The following KCNH1 variants were observed in gnomAD, a reference collection of about 807,000 sequenced individuals.
The protein encoded by KCNH1 is potassium voltage-gated channel subfamily H member 1.
In KCNH1, 27 loss-of-function variants were observed where a neutral mutation model predicts 69.2. The observed-to-expected ratio is 0.39, with a 90% CI of 0.29 to 0.54. KCNH1 has a LOEUF of 0.54. Among genes scored for constraint, KCNH1 ranks in the 20% least tolerant of loss-of-function variants. KCNH1 has a pLI of 0.68. For missense variants in KCNH1, 798 were observed against 1,261.6 expected, an observed-to-expected ratio of 0.63 and a Z score of 5.57; for synonymous variants, 456 against 487.7, an observed-to-expected ratio of 0.93 and a Z score of 0.86.
At chr1:211,106,430 G>A (rs1481794092) in intron 2 of KCNH1, among the ~76,000 whole-genome samples, 1 of 152,070 alleles carries the variant, frequency 6.6e-6, no homozygotes, top group Non-Finnish European at 1.5e-5. Flanking sequence ...AGAGAGAGAG[G>A]TAACAGCATG....
At chr1:210,882,023 T>C (rs1686504727) in intron 7 of KCNH1, among the ~76,000 whole-genome samples, 1 of 152,156 alleles carries the variant, frequency 6.6e-6, no homozygotes, top group Admixed American at 6.5e-5. Context: ...ATGTAAACTA[T>C]GGACTTTGAG....
Position 210,982,421 on chromosome 1 carries a change from C to G in KCNH1, c.1032+36362G>C, listed in dbSNP as rs561550004. Among the ~76,000 whole-genome samples the G allele has an allele frequency of 5.9e-5, 9 of 152,098 alleles. No homozygotes were observed. In the East Asian group the frequency reaches 1.7e-3, roughly 29 times the overall value. The stretch of plus-strand genomic sequence containing the variant: ...ATCTCCAATGCTATCCCTCCCCCTT[C>G]CCCCCACTCCACACCAGTCCCCGGT... On this transcript the variant is annotated intron_variant, in intron 6 of 10. Coordinates refer to ENST00000271751, the MANE Select transcript of KCNH1 (RefSeq NM_172362.3).
chr1:210,968,067 A>T (rs1477181078), intron 6 of KCNH1, among the ~76,000 whole-genome samples: 1 of 149,978 alleles, frequency 6.7e-6, no homozygotes, highest in Non-Finnish European at 1.5e-5. Flanking sequence ...CCTTCCTGTG[A>T]CCATGTGATC....
chr1:211,027,593 C>T (rs1689707763), intron 5 of KCNH1, among the ~76,000 whole-genome samples: 1 of 149,460 alleles, frequency 6.7e-6, no homozygotes, highest in Non-Finnish European at 1.5e-5. Context: ...GCAACCCTGT[C>T]TCAGGGAAAG....
At chr1:210,832,425 C>T (rs1156732933) in intron 7 of KCNH1, among the ~76,000 whole-genome samples, 1 of 152,150 alleles carries the variant, frequency 6.6e-6, no homozygotes, top group Non-Finnish European at 1.5e-5. Context: ...CTTTTCAGAT[C>T]TACTTTTTAA....
intron 6 of KCNH1, among the ~76,000 whole-genome samples, chr1:210,994,953 GA>G (rs1191494260): frequency 6.6e-6 from 1 of 152,190 alleles, no homozygotes; most frequent in Non-Finnish European, 1.5e-5. Flanking sequence ...TTCAAGAGTT[GA>G]GATGTATAAA....
chr1:210,990,619 C>CT (rs1688920391), intron 6 of KCNH1, among the ~76,000 whole-genome samples: 1 of 152,140 alleles, frequency 6.6e-6, no homozygotes, highest in African/African-American at 2.4e-5. Context: ...GAGGGGCTCT[C>CT]TAAGTTGAGA....
At chr1:211,036,061 C>G (rs968655119) in intron 5 of KCNH1, among the ~76,000 whole-genome samples, 1 of 152,190 alleles carries the variant, frequency 6.6e-6, no homozygotes, top group Non-Finnish European at 1.5e-5. Flanking sequence ...GGAAAGAAGG[C>G]TTTAATCGGG....
In KCNH1 at chr1:210,757,263, T is replaced by C. The variant is rs145854905; in HGVS notation, c.2112+18085A>G. ...GCATCTGGGCCCTATGGAGCCACCA[T>C]AGGACTTGACGAATGATGGCATTTG... On this transcript the variant is annotated intron_variant, in intron 10 of 10. Coordinates refer to ENST00000271751, the MANE Select transcript of KCNH1 (RefSeq NM_172362.3). Among the ~76,000 whole-genome samples the C allele has an allele frequency of 2.8e-3, 430 of 152,262 alleles. 3 individuals are homozygous for C. Among genetic ancestry groups the C allele is most frequent in the Middle Eastern group, 0.014 (4 of 294 alleles).
chr1:210,947,935 G>T (rs1238712426), intron 6 of KCNH1, among the ~76,000 whole-genome samples: 1 of 151,912 alleles, frequency 6.6e-6, no homozygotes, highest in Non-Finnish European at 1.5e-5. Flanking sequence ...TGCCCTCCAT[G>T]GTGGCTGATG....
chr1:210,690,162 G>T (rs1045619861), intron 10 of KCNH1, among the ~76,000 whole-genome samples: 7 of 152,210 alleles, frequency 4.6e-5, no homozygotes, highest in African/African-American at 1.7e-4. Flanking sequence ...GAAACGCGCA[G>T]GCCCTGCAAC....
intron 10 of KCNH1, among the ~76,000 whole-genome samples, chr1:210,752,269 C>T (rs1683300007): frequency 6.6e-6 from 1 of 152,134 alleles, no homozygotes; most frequent in Non-Finnish European, 1.5e-5. Context: ...TGTTCTTAAC[C>T]AGCTATAATG....
intron 7 of KCNH1, among the ~76,000 whole-genome samples, chr1:210,884,122 A>G (rs931004594): frequency 1.3e-5 from 2 of 152,168 alleles, no homozygotes; most frequent in Admixed American, 6.5e-5. Flanking sequence ...AAATTGTTGC[A>G]CCCATAGGCA....
At chr1:210,945,917 C>A (rs1490614041) in intron 6 of KCNH1, among the ~76,000 whole-genome samples, 2 of 152,212 alleles carry the variant, frequency 1.3e-5, no homozygotes, top group Non-Finnish European at 2.9e-5. Flanking sequence ...GAGCATCTAT[C>A]ACCATTTAGT....
chr1:211,052,412 A>G (rs888479734), intron 5 of KCNH1, among the ~76,000 whole-genome samples: 1 of 152,230 alleles, frequency 6.6e-6, no homozygotes, highest in Non-Finnish European at 1.5e-5. Context: ...CATTGTGAGT[A>G]TTTTAAAAGA....
chr1:210,843,359 T>A (rs1466838867), intron 7 of KCNH1, among the ~76,000 whole-genome samples: 2 of 152,162 alleles, frequency 1.3e-5, no homozygotes, highest in African/African-American at 2.4e-5. Flanking sequence ...TCCTATTGTA[T>A]AATTTATTAA....
At chr1:210,786,524 G>A (rs1684107140) in intron 9 of KCNH1, among the ~76,000 whole-genome samples, 1 of 151,910 alleles carries the variant, frequency 6.6e-6, no homozygotes, top group Non-Finnish European at 1.5e-5. Context: ...CTATAAATTG[G>A]TATTCCTTGG....
At chr1:210,736,955 C>A (rs912917565) in intron 10 of KCNH1, among the ~76,000 whole-genome samples, 2 of 152,214 alleles carry the variant, frequency 1.3e-5, no homozygotes, top group African/African-American at 4.8e-5. Flanking sequence ...CCCCTCCTCC[C>A]AAGCAACATC....
intron 10 of KCNH1, among the ~76,000 whole-genome samples, chr1:210,713,812 AT>A (rs1431009674): frequency 6.6e-6 from 1 of 152,142 alleles, no homozygotes; most frequent in Non-Finnish European, 1.5e-5. Flanking sequence ...AAGACAATAT[AT>A]TTTCATGGAG....
Sources: allele counts gnomAD v4.1 joint callset (sites outside exome capture counted in the v4.1 genomes callset), GRCh38; gene constraint gnomAD v4.1.1; transcripts MANE v1.5; gene names NCBI Gene and HGNC (gene_info 2026-07-23, HGNC 2026-07-21).